MUC4: variants seen among roughly 807,000 people sequenced by gnomAD.
MUC4 encodes the protein mucin-4.
MUC4 carries 202 observed loss-of-function variants against 257.9 expected under a neutral mutation model. That is an observed-to-expected ratio of 0.78 (90% confidence interval 0.70 to 0.88). The LOEUF (loss-of-function observed/expected upper bound fraction) is 0.88. Among genes scored for constraint, MUC4 ranks in the 40% least tolerant of loss-of-function variants. MUC4 has a pLI of 0.00. For synonymous variants in MUC4, 2,351 were observed against 2,757.1 expected, an observed-to-expected ratio of 0.85 and a Z score of 4.62; for missense variants, 5,976 against 6,513.7, an observed-to-expected ratio of 0.92 and a Z score of 2.84.
rs1728836842 is a variant in MUC4, at chr3:195,782,683, GTGTC to G, written c.8893_8896del (p.Asp2965LeufsTer38). ...GGCGTGACCTGTGGATGCTGAGGAA[GTGTC>G]GGTGACAGGAAGAGAGGTGGCGTGA... On this transcript the variant is annotated frameshift_variant, in exon 2 of 25. Coordinates refer to ENST00000463781, the MANE Select transcript of MUC4 (RefSeq NM_018406.7). LOFTEE classifies it high-confidence loss of function. 1 of 1,315,492 alleles carries G rather than the reference GTGTC, an allele frequency of 7.6e-7. No homozygotes were observed. Among genetic ancestry groups the G allele is most frequent in the Non-Finnish European group, 1.0e-6 (1 of 971,022 alleles). The allele number at this position is 1,315,492 out of a possible 1,614,324, so 81.5% of individuals were successfully genotyped here.
At position 195,810,844 on chromosome 3, in the gene MUC4, C is replaced by T. The variant is rs1346837074; in HGVS notation, c.82+892G>A. Among the ~76,000 whole-genome samples, 2 of 152,096 alleles carry T rather than the reference C, an allele frequency of 1.3e-5. No individual in the cohort carries two copies. The highest frequency in any genetic ancestry group is 4.8e-5 in the African/African-American group (2 of 41,468). On this transcript the variant is annotated intron_variant, in intron 1 of 24. Transcript: ENST00000463781. The surrounding 1 kb of genome is among the most constrained non-coding windows in gnomAD (Gnocchi z 4.2). ...GCTTTACATGAGTTTTCTTCCGTCT[C>T]CATCACCCAGCTTTCCTGGCATCCC...
chr3:195,795,569 A>G (rs553104652), intron 1 of MUC4, among the ~76,000 whole-genome samples: 1 of 152,318 alleles, frequency 6.6e-6, no homozygotes, highest in East Asian at 1.9e-4. Flanking sequence ...TGGTGAGTCA[A>G]TGCCCTTGGA....
intron 7 of MUC4, among the ~76,000 whole-genome samples, chr3:195,767,856 TCACCCCCAA>T (rs1560265901): frequency 1.9e-4 from 10 of 52,008 alleles, no homozygotes; most frequent in Non-Finnish European, 3.0e-4. Context: ...ATCGCCACCA[TCACCCCCAA>T]CACCACCACC....
Position 195,783,296 on chromosome 3 carries a change from ATG to A in MUC4, c.8282_8283del (p.Ala2761ValfsTer148), listed in dbSNP as rs2148966403. On this transcript the variant is annotated frameshift_variant, in exon 2 of 25. Coordinates refer to ENST00000463781, the MANE Select transcript of MUC4 (RefSeq NM_018406.7). LOFTEE classifies it high-confidence loss of function. ...TPLPVTDTSS[A>X]STGHATPLPV... is the part of the protein sequence containing the mutation. ...GGAAGAGGGGTGGCGTGACCTGTGG[ATG>A]CTGAGGAAGTGTCGGTGACAGGAAG... 6.6e-7 allele frequency: 1 copy of A among 1,507,936 alleles called. No individual in the cohort carries two copies. The highest frequency in any genetic ancestry group is 1.2e-5 in the South Asian group (1 of 82,530). 93.4% of individuals were successfully genotyped at this position (1,507,936 alleles called of 1,614,324 possible). A position where few individuals can be genotyped will look rare whatever the true frequency, so the allele number is the denominator to read the frequency against.
In MUC4 at chr3:195,757,170, T is replaced by C; in HGVS notation, c.15145A>G (p.Arg5049Gly). The change falls in exon 18 of 25, where the codon AGG (arginine) becomes GGG (glycine). Residue 5049 changes from arginine to glycine, a missense_variant. Around this residue, in one of 44 missense-constraint regions of MUC4, gnomAD observed 996 missense variants for 1,137.3 expected, o/e 0.88. Coordinates refer to ENST00000463781, the MANE Select transcript of MUC4 (RefSeq NM_018406.7). The surrounding 1 kb of genome is among the most constrained non-coding windows in gnomAD (Gnocchi z 4.8). ...ACCTCCAGGGAGGAGTTGCCCACCC[T>C]GCTGGTCTGATTGTACAAACACTGG... The part of the protein sequence containing the change: ...ESQCLYNQTS[R>G]VGNSSLEVAG... 6.2e-7 allele frequency: 1 copy of C among 1,604,234 alleles called. No individual in the cohort carries two copies. Among genetic ancestry groups the C allele is most frequent in the Non-Finnish European group, 8.5e-7 (1 of 1,172,196 alleles).
chr3:195,806,562 A>G (rs943979278), intron 1 of MUC4, among the ~76,000 whole-genome samples: 3 of 152,244 alleles, frequency 2.0e-5, no homozygotes, highest in Non-Finnish European at 4.4e-5. Flanking sequence ...GTGTCCTAGA[A>G]CAATGTCAGG....
intron 3 of MUC4, among the ~76,000 whole-genome samples, chr3:195,775,408 ACCC>A (rs1724209806): frequency 1.8e-5 from 2 of 110,632 alleles, no homozygotes; most frequent in Non-Finnish European, 4.1e-5. Flanking sequence ...TACCTTCCAC[ACCC>A]ATACCTTCCA....
At chr3:195,762,832 G>GCGGC in intron 13 of MUC4, 23 bp downstream of exon 13, 1 of 1,515,766 alleles carries the variant, frequency 6.6e-7, no homozygotes, top group African/African-American at 1.4e-5. Flanking sequence ...CGGGGAGGGG[G>GCGGC]CGGCCGGCGC....
At position 195,789,641 on chromosome 3, in the gene MUC4, G is replaced by T; in HGVS notation, c.1939C>A (p.Gln647Lys). Residue 647 changes from glutamine (Q) to lysine (K), a missense_variant, in exon 2 of 25, where the codon CAA becomes AAA. By Grantham distance (53) the Gln-to-Lys change is moderately conservative. Coordinates refer to ENST00000463781, the MANE Select transcript of MUC4 (RefSeq NM_018406.7). The part of the protein sequence containing the change: ...RGHTQAPQTT[Q>K]ESQTTRSVSP... ...ACGGACCTCGTGGTTTGTGATTCTT[G>T]TGTGGTCTGCGGGGCTTGAGTGTGA... 1 of 1,614,004 alleles carries T rather than the reference G, an allele frequency of 6.2e-7. No homozygotes were observed. Among genetic ancestry groups the T allele is most frequent in the Non-Finnish European group, 8.5e-7 (1 of 1,179,872 alleles).
intron 1 of MUC4, among the ~76,000 whole-genome samples, chr3:195,796,980 C>T (rs1734654983): frequency 6.6e-6 from 1 of 152,204 alleles, no homozygotes; most frequent in African/African-American, 2.4e-5. Flanking sequence ...CGGCGGCTCA[C>T]GCCTGTAACC....
intron 12 of MUC4, 74 bp downstream of exon 12, chr3:195,763,359 C>T: frequency 7.5e-7 from 1 of 1,338,842 alleles, no homozygotes; most frequent in Non-Finnish European, 9.7e-7. Context: ...TCTCTTCCTT[C>T]TCCTCGGCCT....
Position 195,788,542 on chromosome 3 carries a change from C to T in MUC4, c.3038G>A (p.Ser1013Asn), listed in dbSNP as rs55868431. 1,284 of 881,554 alleles carry T rather than the reference C, an allele frequency of 1.5e-3. 2 individuals are homozygous for T. The African/African-American group carries it at 0.022, about 15-fold the overall frequency. 54.6% of individuals were successfully genotyped at this position (881,554 alleles called of 1,614,324 possible). A position where few individuals can be genotyped will look rare whatever the true frequency, so the allele number is the denominator to read the frequency against. Reference sequence around the variant, plus strand: ...GTGACCTGTGGATACTGAGGAAGGGCTGGTGACAGGAAGAGGGGTGGCGTG... The same window carrying T: ...GTGACCTGTGGATACTGAGGAAGGGTTGGTGACAGGAAGAGGGGTGGCGTG... The part of the protein sequence containing the change: ...TGHATPLPVT[S>N]PSSVSTGHTT... The change falls in exon 2 of 25, where the codon AGC (serine) becomes AAC (asparagine). Residue 1013 changes from serine to asparagine, a missense_variant. Physicochemically the swap from Ser to Asn is conservative, Grantham distance 46. This residue lies in a region of MUC4 where 1,583 missense variants were observed against 1,257.4 expected (regional missense o/e 1.26). Transcript: ENST00000463781.
intron 1 of MUC4, among the ~76,000 whole-genome samples, chr3:195,798,988 T>C (rs758880714): frequency 6.6e-6 from 1 of 152,134 alleles, no homozygotes; most frequent in African/African-American, 2.4e-5. Context: ...TGAGCTCTGG[T>C]GGCCTCCTTC....
In MUC4 at chr3:195,789,989, T is replaced by C. The variant is rs762297697; in HGVS notation, c.1591A>G (p.Arg531Gly). 1.9e-6 allele frequency: 3 copies of C among 1,613,940 alleles called. No homozygotes were observed. Among genetic ancestry groups the C allele is most frequent in the Non-Finnish European group, 2.5e-6 (3 of 1,179,874 alleles). Residue 531 changes from arginine to glycine, a missense_variant, in exon 2 of 25, where the codon AGG (arginine) becomes GGG (glycine). Transcript: ENST00000463781. ...PSTGTAGTIPRVPSKVSAIGE... is the reference protein window; with the variant it reads ...PSTGTAGTIPGVPSKVSAIGE... ...ATTGCTGAGACCTTAGAGGGGACCC[T>C]TGGAATAGTGCCAGCTGTCCCTGTA...
Position 195,782,293 on chromosome 3 carries a change from G to T in MUC4, c.9287C>A (p.Ser3096Ter). The T allele has an allele frequency of 6.5e-7, 1 of 1,540,214 alleles. No individual in the cohort carries two copies. The highest frequency in any genetic ancestry group is 1.4e-5 in the African/African-American group (1 of 71,324). The change falls in exon 2 of 25, where the codon TCA (serine) becomes TAA (stop). Residue 3096 changes from serine (S) to a stop codon, truncating the protein, a stop_gained. Transcript: ENST00000463781. LOFTEE classifies it high-confidence loss of function. The part of the protein sequence containing the change: ...ATPLPVTSLS[S>*]VSTGDTTPLP... ...AGGCGTGGTGTCACCTGTGGATACT[G>T]AGGAAAGGCTGGTGACAGGAAGAGG...
At chr3:195,753,968 T>G in intron 19 of MUC4, 1 of 467,868 alleles carries the variant, frequency 2.1e-6, no homozygotes, top group Non-Finnish European at 3.7e-6. Flanking sequence ...CCCTCCCCTA[T>G]GCCTGTACAA....
rs1437022476 is a variant in MUC4 at position 195,753,060 on chromosome 3, C to T, written c.15499G>A (p.Val5167Ile). ...GGGTCTCTGGCGGTACCTAGGTTGA[C>T]AGTTGGACTGAAGTTGTTCCCAGCC... Reference protein sequence around the residue: ...FLAGNNFSPTVNLELPLRVIQ... With the variant: ...FLAGNNFSPTINLELPLRVIQ... The change falls in exon 20 of 25, where the codon GTC (valine) becomes ATC (isoleucine). Residue 5167 changes from valine to isoleucine, a missense_variant. By Grantham distance (29) the Val-to-Ile change is conservative (BLOSUM62 3). This residue lies in a region of MUC4 where 996 missense variants were observed against 1,137.3 expected (regional missense o/e 0.88). Transcript: ENST00000463781. 1 of 1,608,070 alleles carries T rather than the reference C, an allele frequency of 6.2e-7. No individual in the cohort carries two copies. Among genetic ancestry groups the T allele is most frequent in the South Asian group, 1.1e-5 (1 of 90,820 alleles).
In MUC4 at chr3:195,781,096, G is replaced by A. The variant is rs1470605747; in HGVS notation, c.10484C>T (p.Ser3495Phe). The change falls in exon 2 of 25, where the codon TCC becomes TTC. Residue 3495 changes from serine to phenylalanine, a missense_variant. Transcript: ENST00000463781. ...HTTPLHVTIP[S>F]SASTGDTSTL... ...GCTGGTGTCACCTGTGGATGCTGAG[G>A]AAGGGATGGTGACATGAAGAGGGGT... The A allele has an allele frequency of 6.7e-7, 1 of 1,492,262 alleles. No homozygotes were observed. The highest frequency in any genetic ancestry group is 9.0e-7 in the Non-Finnish European group (1 of 1,111,114). The allele number at this position is 1,492,262 out of a possible 1,614,324, so 92.4% of individuals were successfully genotyped here.
In MUC4 at chr3:195,790,585, G is replaced by T; in HGVS notation, c.995C>A (p.Thr332Asn). The T allele has an allele frequency of 6.2e-7, 1 of 1,613,998 alleles. No homozygotes were observed. Residue 332 changes from threonine to asparagine, a missense_variant, in exon 2 of 25, where the codon ACC becomes AAC. Physicochemically the swap from Thr to Asn is moderately conservative, Grantham distance 65. Transcript: ENST00000463781. ...SKNHQTQSVE[T>N]TRVSQINTLN... is the part of the protein sequence containing the mutation. ...GGTGTTGATTTGAGATACTCTGGTG[G>T]TCTCCACGCTCTGAGTCTGGTGGTT...
Sources: allele counts gnomAD v4.1 joint callset (sites outside exome capture counted in the v4.1 genomes callset), GRCh38; gene constraint gnomAD v4.1.1; regional missense constraint gnomAD v4.1.1; non-coding constraint Gnocchi (gnomAD v3.1); transcripts MANE v1.5; gene names NCBI Gene and HGNC (gene_info 2026-07-23, HGNC 2026-07-21).